LUZP2: variants seen among roughly 807,000 people sequenced by gnomAD.
LUZP2 encodes the protein leucine zipper protein 2.
A neutral mutation model predicts 51.6 loss-of-function variants in LUZP2; 52 were observed. That is an observed-to-expected ratio of 1.01 (90% CI 0.81 to 1.27). LUZP2 has a LOEUF of 1.27. LUZP2 is among the 50% of genes most tolerant of loss of function. The pLI, the probability that LUZP2 is intolerant of heterozygous loss-of-function variation, is 0.00. For synonymous variants in LUZP2, 154 were observed against 137.3 expected, an observed-to-expected ratio of 1.12 and a Z score of -0.85; for missense variants, 436 against 395.4, an observed-to-expected ratio of 1.10 and a Z score of -0.87.
intron 9 of LUZP2, among the ~76,000 whole-genome samples, chr11:25,008,895 A>G (rs1856908349): frequency 6.6e-6 from 1 of 152,066 alleles, no homozygotes; most frequent in African/African-American, 2.4e-5. Flanking sequence ...AATTGGCTAA[A>G]AGGCATCAAG....
chr11:24,758,643 T>G (rs1859862013), intron 4 of LUZP2, among the ~76,000 whole-genome samples: 1 of 152,226 alleles, frequency 6.6e-6, no homozygotes, highest in Middle Eastern at 3.4e-3. Context: ...TTAAGATCAC[T>G]GATGCTCTCT....
In LUZP2 at chr11:25,082,138, A is replaced by G. The variant is rs934253485; in HGVS notation, c.*3480A>G. 1.3e-5 allele frequency: 2 copies of G among 152,606 alleles called. No individual in the cohort carries two copies. Among genetic ancestry groups the G allele is most frequent in the Admixed American group, 6.5e-5 (1 of 15,280 alleles). The allele number at this position is 152,606 out of a possible 1,614,324, so 9.5% of individuals were successfully genotyped here. ...TGTAGTTTTCTGTGTAATCTCAAAT[A>G]TCTGAATATTGAAAAAACTAGGTTG... On this transcript the variant is annotated 3_prime_UTR_variant, in exon 12 of 12. Coordinates refer to ENST00000336930, the MANE Select transcript of LUZP2 (RefSeq NM_001009909.4).
chr11:24,764,249 G>C (rs1860096270), intron 5 of LUZP2, among the ~76,000 whole-genome samples: 1 of 152,126 alleles, frequency 6.6e-6, no homozygotes, highest in South Asian at 2.1e-4. Flanking sequence ...CCAGTTGTAT[G>C]ATTATAAGAG....
chr11:24,662,199 T>C (rs1856045873), intron 1 of LUZP2, among the ~76,000 whole-genome samples: 1 of 151,774 alleles, frequency 6.6e-6, no homozygotes, highest in Non-Finnish European at 1.5e-5. Context: ...AGTAAGCAAA[T>C]AAGAGACATT....
At chr11:25,003,864 G>T (rs1431048852) in intron 9 of LUZP2, among the ~76,000 whole-genome samples, 1 of 152,162 alleles carries the variant, frequency 6.6e-6, no homozygotes, top group African/African-American at 2.4e-5. Context: ...CCCTAATAAA[G>T]GTGTGGGACT....
intron 7 of LUZP2, among the ~76,000 whole-genome samples, chr11:24,958,879 G>T (rs1186838604): frequency 1.3e-5 from 2 of 152,064 alleles, no homozygotes; most frequent in East Asian, 3.8e-4. Context: ...GGGTTTTTAT[G>T]GTTTTAGGTC....
At chr11:24,769,584 G>A (rs1860325465) in intron 5 of LUZP2, among the ~76,000 whole-genome samples, 1 of 151,576 alleles carries the variant, frequency 6.6e-6, no homozygotes. Context: ...ATAAAATAAT[G>A]AAAAACACAT....
chr11:24,698,273 T>C (rs1180300194), intron 1 of LUZP2, among the ~76,000 whole-genome samples: 2 of 152,206 alleles, frequency 1.3e-5, no homozygotes, highest in East Asian at 3.9e-4. Flanking sequence ...AAAATGAGGG[T>C]GCTGAAATTT....
At chr11:24,910,700 G>A (rs1355154535) in intron 6 of LUZP2, among the ~76,000 whole-genome samples, 1 of 152,224 alleles carries the variant, frequency 6.6e-6, no homozygotes, top group African/African-American at 2.4e-5. Flanking sequence ...GAAATGTCCT[G>A]CAGGGGCGGA....
chr11:24,980,021 T>C (rs964697516), intron 8 of LUZP2, among the ~76,000 whole-genome samples: 8 of 151,802 alleles, frequency 5.3e-5, no homozygotes, highest in African/African-American at 1.9e-4. Context: ...TGAATATCAC[T>C]GGAGCAGAGG....
At chr11:24,700,691 A>G (rs535592784) in intron 1 of LUZP2, among the ~76,000 whole-genome samples, 9 of 152,194 alleles carry the variant, frequency 5.9e-5, no homozygotes. Context: ...TTATTGGACT[A>G]TTGGATATTG....
At chr11:24,948,025 G>A (rs114338940) in intron 7 of LUZP2, among the ~76,000 whole-genome samples, 1,651 of 151,780 alleles carry the variant, frequency 0.011, 35 homozygotes, top group African/African-American at 0.038. Flanking sequence ...AATATTTTCT[G>A]TTCCTTTCTT....
At chr11:25,040,203 C>G (rs11028376) in intron 9 of LUZP2, among the ~76,000 whole-genome samples, 24,018 of 151,914 alleles carry the variant, frequency 0.16, 2,416 homozygotes, top group East Asian at 0.32. Flanking sequence ...ATTTTCATGC[C>G]CATTAAATGT....
intron 5 of LUZP2, among the ~76,000 whole-genome samples, chr11:24,769,953 C>A (rs79574775): frequency 0.08 from 12,113 of 151,876 alleles, 1,053 homozygotes; most frequent in African/African-American, 0.22. Flanking sequence ...CCAGCACCCC[C>A]GGCTAAATTT....
At chr11:24,624,451 T>C (rs1336107615) in intron 1 of LUZP2, among the ~76,000 whole-genome samples, 1 of 152,170 alleles carries the variant, frequency 6.6e-6, no homozygotes, top group African/African-American at 2.4e-5. Context: ...ATGTCTATTA[T>C]TTCAAGAGCA....
intron 7 of LUZP2, among the ~76,000 whole-genome samples, chr11:24,956,416 T>A (rs914222601): frequency 6.6e-6 from 1 of 152,136 alleles, no homozygotes; most frequent in Admixed American, 6.6e-5. Context: ...ACGTTTTCGA[T>A]GTTTTAAGCC....
chr11:24,553,695 T>C (rs1851783942), intron 1 of LUZP2, among the ~76,000 whole-genome samples: 1 of 152,114 alleles, frequency 6.6e-6, no homozygotes, highest in Non-Finnish European at 1.5e-5. Context: ...TGTTATAGAC[T>C]AGAGATAGAG....
At chr11:25,047,172 T>G (rs11028382) in intron 9 of LUZP2, among the ~76,000 whole-genome samples, 57,663 of 151,826 alleles carry the variant, frequency 0.38, 13,311 homozygotes, top group East Asian at 0.76. Context: ...AGGGGAGACT[T>G]CCAGTATTAC....
chr11:24,571,110 G>A (rs1464533916), intron 1 of LUZP2, among the ~76,000 whole-genome samples: 1 of 152,018 alleles, frequency 6.6e-6, no homozygotes, highest in Non-Finnish European at 1.5e-5. Flanking sequence ...AAGATCAGAT[G>A]GGTTGCCACA....
Sources: gnomAD v4.1 joint callset for allele counts (sites outside exome capture counted in the v4.1 genomes callset) on GRCh38, gnomAD v4.1.1 for gene constraint, MANE v1.5 for transcripts, NCBI Gene and HGNC (gene_info 2026-07-23, HGNC 2026-07-21) for gene names.